The following ITGA11 variants were observed in gnomAD, a reference collection of about 807,000 sequenced individuals.
ITGA11 encodes integrin alpha-11.
A neutral mutation model predicts 141.9 loss-of-function variants in ITGA11; 97 were observed. That is an observed-to-expected ratio of 0.68 (90% CI 0.58 to 0.81). ITGA11 has a LOEUF of 0.81. ITGA11 is among the 30% of genes least tolerant of loss of function. ITGA11 has a pLI of 0.00. For missense variants in ITGA11, 1,387 were observed against 1,559.2 expected, an observed-to-expected ratio of 0.89 and a Z score of 1.86; for synonymous variants, 658 against 624.6, an observed-to-expected ratio of 1.05 and a Z score of -0.80.
chr15:68,326,724 C>T lies in ITGA11; in HGVS notation c.2141G>A (p.Arg714Gln), dbSNP rs544682550. 38 of 1,583,094 alleles carry T rather than the reference C, an allele frequency of 2.4e-5. No individual in the cohort carries two copies. The highest frequency in any genetic ancestry group is 1.9e-4 in the South Asian group (16 of 86,090). ...GAGCAGTACGGCTCTGTTGGTGAAT[C>T]GGTCCCCGCCCTCGTCCAGGTGGGC... ...PRAHLDEGGD[R>Q]FTNRAVLLSS... The change falls in exon 17 of 30, where the codon CGA (arginine) becomes CAA (glutamine). Residue 714 changes from arginine (R) to glutamine (Q), a missense_variant. By Grantham distance (43) the Arg-to-Gln change is conservative. Transcript: ENST00000315757. This position sits in a 1 kb window ranked among gnomAD's most constrained non-coding sequence, Gnocchi z 6.8.
chr15:68,390,197 G>T (rs943274997), intron 2 of ITGA11, among the ~76,000 whole-genome samples: 1 of 152,190 alleles, frequency 6.6e-6, no homozygotes, highest in African/African-American at 2.4e-5. Flanking sequence ...TGCTGAGTTT[G>T]AGCTCTGAGT....
At chr15:68,391,181 C>T (rs1303519109) in intron 2 of ITGA11, among the ~76,000 whole-genome samples, 1 of 152,110 alleles carries the variant, frequency 6.6e-6, no homozygotes, top group African/African-American at 2.4e-5. Flanking sequence ...GTGCTCCTGT[C>T]CATTCTGGAG....
intron 14 of ITGA11, among the ~76,000 whole-genome samples, chr15:68,331,621 G>C (rs1894159309): frequency 6.6e-6 from 1 of 151,894 alleles, no homozygotes; most frequent in Non-Finnish European, 1.5e-5. Flanking sequence ...TTGTTGTTGG[G>C]GGAGGATGAG....
chr15:68,355,455 CT>C (rs937216797), intron 7 of ITGA11, among the ~76,000 whole-genome samples: 20 of 146,554 alleles, frequency 1.4e-4, no homozygotes, highest in Admixed American at 2.7e-4. Flanking sequence ...TTCTTTTTTT[CT>C]TTTTTTTTTG....
At chr15:68,351,118 T>C in intron 8 of ITGA11, 140 bp downstream of exon 8, 1 of 891,608 alleles carries the variant, frequency 1.1e-6, no homozygotes, top group Non-Finnish European at 1.7e-6. Flanking sequence ...AACTTGTTGT[T>C]CAGAAGATGA....
intron 2 of ITGA11, among the ~76,000 whole-genome samples, chr15:68,398,788 TA>T (rs941428988): frequency 6.9e-6 from 1 of 145,584 alleles, no homozygotes; most frequent in African/African-American, 2.5e-5. Flanking sequence ...ATGAATAGTA[TA>T]AAATGAAATA....
chr15:68,351,327 G>A lies in ITGA11; in HGVS notation c.825C>T (p.His275=), dbSNP rs780355494. The change falls in exon 8 of 30, where the codon CAC becomes CAT. Residue 275 remains histidine, a synonymous_variant. Transcript: ENST00000315757. ...VMIVITDGES[H]DSPDLEKVIQ... is the part of the protein sequence containing the mutation. Reference sequence around the variant, plus strand: ...TCACCTTCTCCAGGTCTGGGCTGTCGTGGGACTCCCCATCTGTGATGACAA... The same window carrying A: ...TCACCTTCTCCAGGTCTGGGCTGTCATGGGACTCCCCATCTGTGATGACAA... 1.9e-5 allele frequency: 31 copies of A among 1,613,830 alleles called. No individual in the cohort carries two copies. Among genetic ancestry groups the A allele is most frequent in the South Asian group, 6.6e-5 (6 of 91,088 alleles).
In ITGA11 at chr15:68,411,530, G is replaced by A. The variant is rs958925168; in HGVS notation, c.53-8501C>T. ...GATGAAGCAGCAGATGGGAGCCGAT[G>A]GCCAGAGGAAGCCGCTCTATGGCAG... On this transcript the variant is annotated intron_variant, in intron 1 of 29. Coordinates refer to ENST00000315757, the MANE Select transcript of ITGA11 (RefSeq NM_001004439.2). 2.0e-5 allele frequency among the ~76,000 whole-genome samples: 3 copies of A among 152,178 alleles called. 1 individual carries two copies. Among genetic ancestry groups the A allele is most frequent in the South Asian group, 4.1e-4 (2 of 4,830 alleles).
intron 12 of ITGA11, 63 bp from the exon 13 acceptor site, chr15:68,332,541 C>T (rs899937073): frequency 5.1e-5 from 79 of 1,550,138 alleles, no homozygotes; most frequent in South Asian, 4.6e-4. Flanking sequence ...CCAGAGCCCT[C>T]GCCTCGCGGG....
intron 1 of ITGA11, among the ~76,000 whole-genome samples, chr15:68,407,685 C>T (rs560233552): frequency 3.9e-5 from 6 of 152,246 alleles, no homozygotes; most frequent in Admixed American, 3.3e-4. Context: ...TCCTGTGGGC[C>T]GTGGCCAAAG....
intron 1 of ITGA11, among the ~76,000 whole-genome samples, chr15:68,408,832 A>G (rs576454309): frequency 6.6e-6 from 1 of 152,288 alleles, no homozygotes; most frequent in East Asian, 1.9e-4. Flanking sequence ...CCAGACATGA[A>G]GAGAGGATGG....
intron 2 of ITGA11, among the ~76,000 whole-genome samples, chr15:68,390,257 C>T (rs1294479798): frequency 6.6e-6 from 1 of 152,110 alleles, no homozygotes. Flanking sequence ...AAAGTGACTG[C>T]CCCACCAGGT....
chr15:68,377,622 A>G (rs144053958), intron 2 of ITGA11, among the ~76,000 whole-genome samples: 17 of 152,374 alleles, frequency 1.1e-4, no homozygotes, highest in African/African-American at 4.1e-4. Context: ...CCAGCCTTCT[A>G]TAGGAAACTA....
chr15:68,364,669 G>T (rs1195912582), intron 4 of ITGA11, 38 bp downstream of exon 4: 15 of 1,244,978 alleles, frequency 1.2e-5, no homozygotes, highest in Non-Finnish European at 1.5e-5. Context: ...CCCCACCCCT[G>T]CCTCTCCTGA....
chr15:68,356,615 A>C (rs1895078310), intron 7 of ITGA11, among the ~76,000 whole-genome samples: 1 of 152,144 alleles, frequency 6.6e-6, no homozygotes, highest in African/African-American at 2.4e-5. Context: ...TCTTCTGCAA[A>C]ATGACCTCGC....
At chr15:68,391,840 C>T (rs2140392013) in intron 2 of ITGA11, among the ~76,000 whole-genome samples, 1 of 152,300 alleles carries the variant, frequency 6.6e-6, no homozygotes, top group South Asian at 2.1e-4. Context: ...CAATATTTTG[C>T]CGAGTCTAGT....
chr15:68,403,082 G>A (rs1455143010), intron 1 of ITGA11, 53 bp from the exon 2 acceptor site: 26 of 1,228,706 alleles, frequency 2.1e-5, no homozygotes, highest in South Asian at 3.8e-5. Flanking sequence ...AGGCAGAGGT[G>A]TAGGCCCTGG....
intron 20 of ITGA11, 58 bp from the exon 21 acceptor site, chr15:68,317,421 C>G (rs1211748631): frequency 8.3e-7 from 1 of 1,208,150 alleles, no homozygotes; most frequent in East Asian, 2.3e-5. Flanking sequence ...GACCAGGTCT[C>G]GAGGCTCCCT....
Position 68,312,797 on chromosome 15 carries a change from C to A in ITGA11, c.2949G>T (p.Gly983=). 1 of 1,613,556 alleles carries A rather than the reference C, an allele frequency of 6.2e-7. No homozygotes were observed. The highest frequency in any genetic ancestry group is 8.5e-7 in the Non-Finnish European group (1 of 1,179,614). Residue 983 remains glycine (G), a synonymous_variant, in exon 24 of 30, where the codon GGG becomes GGT. Coordinates refer to ENST00000315757, the MANE Select transcript of ITGA11 (RefSeq NM_001004439.2). ...CCCTGAAGATGCAGCTGAAGGGAGG[C>A]CCGATACCATCGTATCTCTCCAGCG... is the stretch of plus-strand genomic sequence containing the variant. The part of the protein sequence containing the change: ...NSSLERYDGI[G]PPFSCIFRIQ...
Sources: allele counts gnomAD v4.1 joint callset (sites outside exome capture counted in the v4.1 genomes callset), GRCh38; gene constraint gnomAD v4.1.1; non-coding constraint Gnocchi (gnomAD v3.1); transcripts MANE v1.5; gene names NCBI Gene and HGNC (gene_info 2026-07-23, HGNC 2026-07-21).